The following PARD3 variants were observed in gnomAD, a reference collection of about 807,000 sequenced individuals.
PARD3 encodes par-3 family cell polarity regulator.
Under a neutral mutation model 155.4 loss-of-function variants are expected in PARD3, and 75 were observed. The ratio of observed to expected loss-of-function variants is 0.48; its 90% CI spans 0.40 to 0.58. The LOEUF (loss-of-function observed/expected upper bound fraction) is 0.58. Among genes scored for constraint, PARD3 ranks in the 20% least tolerant of loss-of-function variants. PARD3 has a pLI of 0.00. For synonymous variants in PARD3, 576 were observed against 610.5 expected (o/e 0.94, Z 0.83); for missense variants, 1,642 against 1,721.7 (o/e 0.95, Z 0.82).
rs1027583224 is a variant in PARD3 at position 34,594,040 on chromosome 10, T to C, written c.223-76881A>G. Among the ~76,000 whole-genome samples the C allele has an allele frequency of 4.6e-5, 7 of 152,268 alleles. No homozygotes were observed. The South Asian group carries it at 1.5e-3, about 32-fold the overall frequency. Reference sequence around the variant, plus strand: ...TTGAAGCTAACCCATTTTTCATAGATTTGCATTTATTACAGCCTACAATTA... The same window carrying C: ...TTGAAGCTAACCCATTTTTCATAGACTTGCATTTATTACAGCCTACAATTA... On this transcript the variant is annotated intron_variant, in intron 2 of 24. Coordinates refer to ENST00000374788, the MANE Select transcript of PARD3 (RefSeq NM_001184785.2).
At chr10:34,745,826 C>T (rs539828805) in intron 1 of PARD3, among the ~76,000 whole-genome samples, 1 of 152,200 alleles carries the variant, frequency 6.6e-6, no homozygotes, top group South Asian at 2.1e-4. Flanking sequence ...AACGGCCAGG[C>T]GCGGTGGCTC....
intron 22 of PARD3, among the ~76,000 whole-genome samples, chr10:34,195,120 A>G (rs1201855110): frequency 6.6e-6 from 1 of 152,256 alleles, no homozygotes; most frequent in Admixed American, 6.5e-5. Flanking sequence ...AACTGCAATC[A>G]ATAATTAACG....
At chr10:34,739,731 TA>T (rs1314591638) in intron 1 of PARD3, among the ~76,000 whole-genome samples, 2 of 152,222 alleles carry the variant, frequency 1.3e-5, no homozygotes. Flanking sequence ...GAATGCATCC[TA>T]AACTACTGAG....
chr10:34,187,233 G>A lies in PARD3; in HGVS notation c.3420-55650C>T, dbSNP rs571043327. On this transcript the variant is annotated intron_variant, in intron 22 of 24. Transcript: ENST00000374788. ...ACCATTTAGAGATGCTTTAATAGCA[G>A]CAAGAGACAGAGTACTGGGCAAGAA... is the stretch of plus-strand genomic sequence containing the variant. Among the ~76,000 whole-genome samples, 3 of 152,330 alleles carry A rather than the reference G, an allele frequency of 2.0e-5. No individual in the cohort carries two copies. The East Asian group carries it at 5.8e-4, about 29-fold the overall frequency.
chr10:34,423,487 C>T (rs756798661), intron 5 of PARD3, among the ~76,000 whole-genome samples: 15 of 152,084 alleles, frequency 9.9e-5, no homozygotes, highest in Admixed American at 5.9e-4. Context: ...ACAAAATAAA[C>T]GAAGTACGTG....
intron 22 of PARD3, among the ~76,000 whole-genome samples, chr10:34,255,250 G>A (rs549025934): frequency 7.6e-4 from 116 of 152,152 alleles, no homozygotes; most frequent in African/African-American, 2.5e-3. Context: ...AAAAATCACC[G>A]GAAGTGTTCC....
chr10:34,665,947 T>C (rs1023581837), intron 2 of PARD3, among the ~76,000 whole-genome samples: 1 of 147,264 alleles, frequency 6.8e-6, no homozygotes, highest in African/African-American at 2.6e-5. Context: ...AGGCCAGGCG[T>C]TCACACCTAT....
intron 1 of PARD3, among the ~76,000 whole-genome samples, chr10:34,748,046 G>A (rs935885108): frequency 1.1e-4 from 16 of 152,206 alleles, no homozygotes; most frequent in Admixed American, 5.2e-4. Context: ...ACCATGACAA[G>A]CCACTTTGCT....
intron 12 of PARD3, among the ~76,000 whole-genome samples, chr10:34,367,444 G>A (rs1368130313): frequency 1.3e-5 from 2 of 151,762 alleles, no homozygotes; most frequent in Admixed American, 6.6e-5. Flanking sequence ...AGTGGCTCAC[G>A]CCTGTAATCC....
intron 2 of PARD3, among the ~76,000 whole-genome samples, chr10:34,688,730 C>T (rs1379587817): frequency 1.3e-5 from 2 of 152,168 alleles, no homozygotes; most frequent in African/African-American, 4.8e-5. Flanking sequence ...TAACAGAAAA[C>T]TTCCTCAGTG....
At chr10:34,538,840 A>G (rs1275285064) in intron 2 of PARD3, among the ~76,000 whole-genome samples, 1 of 152,230 alleles carries the variant, frequency 6.6e-6, no homozygotes, top group Non-Finnish European at 1.5e-5. Context: ...TCTCCTTCTC[A>G]TTGTGAGAAA....
rs550841236 is a variant in PARD3, at chr10:34,714,305, A to C, written c.121-17886T>G. ...ATGAAACCCAACTGCATCAGAAGAA[A>C]TACTCCTACATGAATATAACAGAGT... On this transcript the variant is annotated intron_variant, in intron 1 of 24. Transcript: ENST00000374788. 7.8e-4 allele frequency among the ~76,000 whole-genome samples: 119 copies of C among 152,334 alleles called. 1 individual carries two copies. The highest frequency in any genetic ancestry group is 3.4e-3 in the Middle Eastern group (1 of 294).
intron 2 of PARD3, among the ~76,000 whole-genome samples, chr10:34,562,333 A>T (rs1269092026): frequency 6.6e-6 from 1 of 151,972 alleles, no homozygotes; most frequent in Non-Finnish European, 1.5e-5. Context: ...GCTACTCAGG[A>T]GGCTGAGGCA....
intron 2 of PARD3, among the ~76,000 whole-genome samples, chr10:34,581,692 G>A (rs1220960219): frequency 6.6e-6 from 1 of 152,094 alleles, no homozygotes; most frequent in Non-Finnish European, 1.5e-5. Context: ...CTCCTACACT[G>A]CAAATCTAGA....
intron 2 of PARD3, among the ~76,000 whole-genome samples, chr10:34,611,102 C>T (rs77414157): frequency 0.017 from 2,597 of 152,234 alleles, 71 homozygotes; most frequent in African/African-American, 0.06. Flanking sequence ...GCATTCCAAA[C>T]TCAGTCCCAA....
At chr10:34,515,441 C>T (rs747850123) in intron 3 of PARD3, among the ~76,000 whole-genome samples, 2 of 152,166 alleles carry the variant, frequency 1.3e-5, no homozygotes, top group African/African-American at 2.4e-5. Flanking sequence ...TATCTGAGTC[C>T]GATCTTGTCT....
At chr10:34,477,554 CT>C (rs1370901855) in intron 3 of PARD3, among the ~76,000 whole-genome samples, 1 of 149,710 alleles carries the variant, frequency 6.7e-6, no homozygotes, top group Non-Finnish European at 1.5e-5. Context: ...GGTAAGGTGC[CT>C]TTTAAATAAG....
intron 1 of PARD3, among the ~76,000 whole-genome samples, chr10:34,806,290 G>A (rs551287238): frequency 1.3e-5 from 2 of 151,476 alleles, no homozygotes; most frequent in African/African-American, 4.8e-5. Flanking sequence ...TGCCTCCCAG[G>A]ATTCAAGTGA....
At chr10:34,577,386 G>C (rs940446507) in intron 2 of PARD3, among the ~76,000 whole-genome samples, 2 of 152,078 alleles carry the variant, frequency 1.3e-5, no homozygotes, top group East Asian at 3.9e-4. Flanking sequence ...ATCCTCTTAG[G>C]AACATTTAAA....
Sources: gnomAD v4.1 joint callset for allele counts (sites outside exome capture counted in the v4.1 genomes callset) on GRCh38, gnomAD v4.1.1 for gene constraint, MANE v1.5 for transcripts, NCBI Gene and HGNC (gene_info 2026-07-23, HGNC 2026-07-21) for gene names.